PLD1: variants seen among roughly 807,000 people sequenced by gnomAD.
The protein encoded by PLD1 is choline phosphatase 1.
Under a neutral mutation model 137.1 loss-of-function variants are expected in PLD1, and 112 were observed. The ratio of observed to expected loss-of-function variants is 0.82; its 90% CI spans 0.70 to 0.96. The LOEUF (loss-of-function observed/expected upper bound fraction) is 0.96, where lower values mean the gene tolerates loss of function less well. Ranked by LOEUF, PLD1 falls within the 40% of genes least tolerant of loss-of-function variation. The pLI is 0.00. For missense variants in PLD1, 1,321 were observed against 1,342.0 expected (o/e 0.98, Z 0.24); for synonymous variants, 431 against 454.7 (o/e 0.95, Z 0.66).
intron 23 of PLD1, 96 bp from the exon 24 acceptor site, chr3:171,620,616 G>T: frequency 1.7e-6 from 1 of 594,482 alleles, no homozygotes; most frequent in Non-Finnish European, 2.9e-6. Flanking sequence ...TACTTAGACT[G>T]TTCAGAATAG....
At chr3:171,654,131 T>TCCCC in intron 21 of PLD1, 1 of 361,454 alleles carries the variant, frequency 2.8e-6, no homozygotes. Context: ...TGAAACCCCG[T>TCCCC]CTCCACCAAA....
chr3:171,609,851 C>T (rs1341856566), intron 25 of PLD1, among the ~76,000 whole-genome samples: 1 of 152,064 alleles, frequency 6.6e-6, no homozygotes, highest in East Asian at 1.9e-4. Context: ...TTCACCCCTA[C>T]ACAATGTATC....
In PLD1 at chr3:171,711,817, T is replaced by TAAAAAAAA. The variant is rs36106956; in HGVS notation, c.911+2068_911+2075dup. Among the ~76,000 whole-genome samples the TAAAAAAAA allele has an allele frequency of 2.0e-3, 196 of 99,142 alleles. 3 individuals carry two copies. Among genetic ancestry groups the TAAAAAAAA allele is most frequent in the African/African-American group, 7.5e-3 (189 of 25,300 alleles). 65.0% of individuals were successfully genotyped at this position (99,142 alleles called of 152,430 possible). On this transcript the variant is annotated intron_variant, in intron 9 of 26. Transcript: ENST00000351298. ...TAAACTCTTACAGAGTTATAAATGC[T>TAAAAAAAA]AAAAAAAAAAAAAAAAAAAAAAAAA...
intron 5 of PLD1, 47 bp downstream of exon 5, chr3:171,734,818 G>T: frequency 1.7e-6 from 2 of 1,145,708 alleles, no homozygotes; most frequent in Non-Finnish European, 2.6e-6. Context: ...TGTTTCTACA[G>T]CACTGCAAAA....
At chr3:171,796,451 A>G (rs755110922) in intron 1 of PLD1, among the ~76,000 whole-genome samples, 4 of 152,246 alleles carry the variant, frequency 2.6e-5, no homozygotes, top group Non-Finnish European at 5.9e-5. Flanking sequence ...TTGCAGATGT[A>G]ACTATTTCAG....
chr3:171,629,770 C>T (rs1451783341), intron 23 of PLD1, among the ~76,000 whole-genome samples: 2 of 152,096 alleles, frequency 1.3e-5, no homozygotes, highest in Middle Eastern at 3.2e-3. Context: ...GGAAAGGATT[C>T]CCTATTCAAT....
At position 171,680,242 on chromosome 3, in the gene PLD1, C is replaced by CTTTTTTTTTTTTTTTTTTTTTT. The variant is rs571538714; in HGVS notation, c.1868-2570_1868-2549dup. On this transcript the variant is annotated intron_variant, in intron 16 of 26. Transcript: ENST00000351298. ...GTCTTTTTGTTTTCTTTTTCTTCCT[C>CTTTTTTTTTTTTTTTTTTTTTT]TTTTTTTTTTTTTTTTTTTTTTTTT... 2.9e-5 allele frequency among the ~76,000 whole-genome samples: 3 copies of CTTTTTTTTTTTTTTTTTTTTTT among 102,928 alleles called. 1 individual carries two copies. The highest frequency in any genetic ancestry group is 8.4e-5 in the African/African-American group (2 of 23,884). The allele number at this position is 102,928 out of a possible 152,430, so 67.5% of individuals were successfully genotyped here.
rs61475367 is a variant in PLD1, at chr3:171,764,892, AAAGGAAGGAAGGAAGG to A, written c.-31-26826_-31-26811del. Among the ~76,000 whole-genome samples, 33 of 20,394 alleles carry A rather than the reference AAAGGAAGGAAGGAAGG, an allele frequency of 1.6e-3. 3 individuals carry two copies. The highest frequency in any genetic ancestry group is 7.5e-3 in the Admixed American group (13 of 1,728). 13.4% of individuals were successfully genotyped at this position (20,394 alleles called of 152,430 possible). A position where few individuals can be genotyped will look rare whatever the true frequency, so the allele number is the denominator to read the frequency against. Reference sequence around the variant, plus strand: ...GAAAGAAAGAAAGAAAGAAAGAAAGAAAGGAAGGAAGGAAGGAAGGAAAGAAAGAAAGGAAAGAAAG... The same window carrying A: ...GAAAGAAAGAAAGAAAGAAAGAAAGAAAGGAAAGAAAGAAAGGAAAGAAAG... On this transcript the variant is annotated intron_variant, in intron 1 of 26. Coordinates refer to ENST00000351298, the MANE Select transcript of PLD1 (RefSeq NM_002662.5).
chr3:171,808,076 G>A (rs546267173), intron 1 of PLD1, among the ~76,000 whole-genome samples: 4 of 152,174 alleles, frequency 2.6e-5, no homozygotes, highest in Admixed American at 6.5e-5. Context: ...ACTACTAGAC[G>A]TGGGAGGGAG....
chr3:171,693,539 C>G (rs547157282), intron 12 of PLD1, among the ~76,000 whole-genome samples: 1 of 152,100 alleles, frequency 6.6e-6, no homozygotes, highest in African/African-American at 2.4e-5. Context: ...CTTATTCACC[C>G]CCACCTTGTG....
intron 12 of PLD1, among the ~76,000 whole-genome samples, chr3:171,697,464 C>A (rs778622463): frequency 2.6e-5 from 4 of 151,756 alleles, no homozygotes; most frequent in Non-Finnish European, 5.9e-5. Flanking sequence ...TTGATCAGAC[C>A]ACCCCTGCTT....
chr3:171,774,152 G>A (rs1384092220), intron 1 of PLD1, among the ~76,000 whole-genome samples: 3 of 152,178 alleles, frequency 2.0e-5, no homozygotes, highest in Admixed American at 1.3e-4. Context: ...AACCCAGGTC[G>A]GTGCTCCTAG....
intron 1 of PLD1, among the ~76,000 whole-genome samples, chr3:171,760,514 AT>A (rs1291226298): frequency 6.6e-6 from 1 of 152,228 alleles, no homozygotes; most frequent in African/African-American, 2.4e-5. Flanking sequence ...GAGAATTTCT[AT>A]AAACTGCCTA....
chr3:171,700,853 G>T (rs1440124273), intron 11 of PLD1, among the ~76,000 whole-genome samples: 1 of 152,112 alleles, frequency 6.6e-6, no homozygotes, highest in Non-Finnish European at 1.5e-5. Context: ...TTTTCCCCTG[G>T]GGCTGGGTTC....
chr3:171,616,711 G>C (rs944177968), intron 24 of PLD1, among the ~76,000 whole-genome samples: 3 of 152,096 alleles, frequency 2.0e-5, no homozygotes, highest in African/African-American at 7.2e-5. Flanking sequence ...CAAGGAAATG[G>C]ACTCTCCCTA....
intron 26 of PLD1, among the ~76,000 whole-genome samples, chr3:171,603,985 G>A (rs1347937106): frequency 1.3e-5 from 2 of 152,096 alleles, no homozygotes; most frequent in African/African-American, 4.8e-5. Flanking sequence ...ACATTTTAAT[G>A]ACTCTATGCA....
chr3:171,668,776 G>GATGCTGAC lies in PLD1; in HGVS notation c.2229+5716_2229+5723dup, dbSNP rs1316122296. On this transcript the variant is annotated intron_variant, in intron 19 of 26. Transcript: ENST00000351298. ...TGTTCCCATGTGTTGACCCCATGTT[G>GATGCTGAC]ATGCTGACACGGCATTCAGCATTTT... Among the ~76,000 whole-genome samples the GATGCTGAC allele has an allele frequency of 6.6e-5, 10 of 152,196 alleles. No homozygotes were observed. In the East Asian group the frequency reaches 1.9e-3, roughly 29 times the overall value.
chr3:171,803,942 C>T (rs972232329), intron 1 of PLD1, among the ~76,000 whole-genome samples: 3 of 152,110 alleles, frequency 2.0e-5, no homozygotes, highest in Admixed American at 6.5e-5. Context: ...GTTTTAACAT[C>T]ACAGTGATGT....
At chr3:171,690,469 C>G (rs1715036331) in intron 13 of PLD1, among the ~76,000 whole-genome samples, 1 of 151,918 alleles carries the variant, frequency 6.6e-6, no homozygotes, top group African/African-American at 2.4e-5. Flanking sequence ...GATCTTTCTT[C>G]TTCTTGCAAG....
Sources: gnomAD v4.1 joint callset for allele counts (sites outside exome capture counted in the v4.1 genomes callset) on GRCh38, gnomAD v4.1.1 for gene constraint, MANE v1.5 for transcripts, NCBI Gene and HGNC (gene_info 2026-07-23, HGNC 2026-07-21) for gene names.